Variants in NAA25 observed in about 807,000 individuals in gnomAD.
The protein encoded by NAA25 is N-alpha-acetyltransferase 25, NatB auxiliary subunit, also known as N-terminal acetyltransferase B complex subunit NAA25.
Under a neutral mutation model 132.5 loss-of-function variants are expected in NAA25, and 30 were observed. The observed-to-expected ratio is 0.23, with a 90% CI of 0.17 to 0.31. NAA25 has a LOEUF of 0.31. Ranked by LOEUF, NAA25 falls within the 10% of genes least tolerant of loss-of-function variation. The pLI is 1.00. For missense variants in NAA25, 771 were observed against 1,150.4 expected (o/e 0.67, Z 4.77); for synonymous variants, 359 against 401.9 (o/e 0.89, Z 1.28).
intron 10 of NAA25, 63 bp from the exon 11 acceptor site, chr12:112,069,055 A>G: frequency 2.1e-6 from 2 of 954,616 alleles, no homozygotes; most frequent in South Asian, 3.0e-5. Flanking sequence ...TATTTAAGTG[A>G]GAATTAATTT....
intron 20 of NAA25, among the ~76,000 whole-genome samples, chr12:112,041,304 CA>C (rs1487804531): frequency 2.0e-5 from 3 of 151,964 alleles, no homozygotes; most frequent in Non-Finnish European, 4.4e-5. Flanking sequence ...TCTCCTGCCT[CA>C]GCCTCCCGAG....
intron 15 of NAA25, among the ~76,000 whole-genome samples, chr12:112,052,450 C>T (rs1380944952): frequency 6.6e-6 from 1 of 152,182 alleles, no homozygotes; most frequent in Non-Finnish European, 1.5e-5. Context: ...GGACTAAGAA[C>T]CAACTAATGG....
chr12:112,043,034 C>A, intron 19 of NAA25, 54 bp downstream of exon 19: 1 of 1,487,726 alleles, frequency 6.7e-7, no homozygotes, highest in African/African-American at 1.4e-5. Flanking sequence ...CATTTTATTA[C>A]GTGTACTACA....
chr12:112,068,249 A>G (rs777105071), intron 11 of NAA25, among the ~76,000 whole-genome samples: 7 of 152,176 alleles, frequency 4.6e-5, no homozygotes, highest in Non-Finnish European at 1.0e-4. Flanking sequence ...GATGGAAAAC[A>G]TAATAGCTGC....
At chr12:112,108,645 T>G in intron 1 of NAA25, 71 bp downstream of exon 1, 2 of 1,353,680 alleles carry the variant, frequency 1.5e-6, no homozygotes, top group Non-Finnish European at 1.9e-6. Context: ...GCACCCCTCC[T>G]GGGCTTTCGC....
At chr12:112,061,458 G>C in intron 11 of NAA25, 70 bp from the exon 12 acceptor site, 2 of 1,077,430 alleles carry the variant, frequency 1.9e-6, no homozygotes, top group Non-Finnish European at 2.8e-6. Flanking sequence ...ATAATTAACA[G>C]AAATTGAATG....
chr12:112,049,409 C>G lies in NAA25; in HGVS notation c.1729-966G>C. 5.2e-6 allele frequency: 5 copies of G among 966,242 alleles called. No homozygotes were observed. The highest frequency in any genetic ancestry group is 6.2e-6 in the Non-Finnish European group (5 of 812,154). The allele number at this position is 966,242 out of a possible 1,614,324, so 59.9% of individuals were successfully genotyped here. A position where few individuals can be genotyped will look rare whatever the true frequency, so the allele number is the denominator to read the frequency against. On this transcript the variant is annotated intron_variant, in intron 15 of 23. Coordinates refer to ENST00000261745, the MANE Select transcript of NAA25 (RefSeq NM_024953.4). This position sits in a 1 kb window ranked among gnomAD's most constrained non-coding sequence, Gnocchi z 4.7. Reference sequence around the variant, plus strand: ...GTCTTTTTACACAGCCTCAGTTAATCAGCTCTGCCCCCATCTCCATTACGT... The same window carrying G: ...GTCTTTTTACACAGCCTCAGTTAATGAGCTCTGCCCCCATCTCCATTACGT...
intron 5 of NAA25, among the ~76,000 whole-genome samples, chr12:112,079,819 T>A (rs2078944460): frequency 6.6e-6 from 1 of 152,096 alleles, no homozygotes; most frequent in Admixed American, 6.6e-5. Flanking sequence ...GCCACCCAGT[T>A]CAATGAGCCA....
rs78150089 is a variant in NAA25, at chr12:112,053,900, A to G, written c.1629-243T>C. On this transcript the variant is annotated intron_variant, in intron 14 of 23. Transcript: ENST00000261745. ...AAGTTCTGTAACTAGGCTTTCTTAC[A>G]CTCTGATGATTAATGACACATAAAA... Among the ~76,000 whole-genome samples, 881 of 151,914 alleles carry G rather than the reference A, an allele frequency of 5.8e-3. 11 individuals carry two copies. Among genetic ancestry groups the G allele is most frequent in the African/African-American group, 0.02 (829 of 41,414 alleles).
intron 17 of NAA25, among the ~76,000 whole-genome samples, chr12:112,046,310 T>TC (rs2078380566): frequency 6.6e-6 from 1 of 152,220 alleles, no homozygotes; most frequent in Non-Finnish European, 1.5e-5. Context: ...ACTCAGTGTT[T>TC]CCCCTCAGAG....
chr12:112,108,760 C>A lies in NAA25; in HGVS notation c.14G>T (p.Gly5Val), dbSNP rs749731093. 2.0e-6 allele frequency: 3 copies of A among 1,524,778 alleles called. No individual in the cohort carries two copies. Among genetic ancestry groups the A allele is most frequent in the Non-Finnish European group, 2.6e-6 (3 of 1,132,946 alleles). 94.5% of individuals were successfully genotyped at this position (1,524,778 alleles called of 1,614,324 possible). A position where few individuals can be genotyped will look rare whatever the true frequency, so the allele number is the denominator to read the frequency against. The change falls in exon 1 of 24, where the codon GGC becomes GTC. Residue 5 changes from glycine (G) to valine (V), a missense_variant. Around this residue, in one of 3 missense-constraint regions of NAA25, gnomAD observed 30 missense variants for 16.6 expected, o/e 1.81. Coordinates refer to ENST00000261745, the MANE Select transcript of NAA25 (RefSeq NM_024953.4). MATR[G>V]HVQDPNDRRL... ...CCTGTCGTTAGGGTCCTGCACATGG[C>A]CCCGCGTCGCCATGATGACAAGCGC...
intron 1 of NAA25, among the ~76,000 whole-genome samples, chr12:112,097,630 T>C (rs1301493294): frequency 6.7e-6 from 1 of 149,366 alleles, no homozygotes; most frequent in African/African-American, 2.5e-5. Context: ...AAAAAAGAGT[T>C]GTCTCTTGAC....
intron 4 of NAA25, among the ~76,000 whole-genome samples, chr12:112,086,073 T>TATATATATACACACACACACAC (rs759148501): frequency 1.9e-5 from 1 of 53,958 alleles, no homozygotes; most frequent in African/African-American, 1.2e-4. Flanking sequence ...TATATATATA[T>TATATATATACACACACACACAC]ACACACACAC....
chr12:112,083,870 A>T (rs2079007451), intron 4 of NAA25, among the ~76,000 whole-genome samples: 1 of 152,240 alleles, frequency 6.6e-6, no homozygotes, highest in Admixed American at 6.5e-5. Flanking sequence ...TCCCAACTCT[A>T]CAAAAAATGA....
intron 4 of NAA25, among the ~76,000 whole-genome samples, chr12:112,082,357 C>T (rs1354355938): frequency 6.6e-6 from 1 of 151,922 alleles, no homozygotes. Context: ...TCATTTGAGC[C>T]CAAGGAGATT....
chr12:112,103,950 C>T (rs2079328042), intron 1 of NAA25, among the ~76,000 whole-genome samples: 1 of 152,194 alleles, frequency 6.6e-6, no homozygotes, highest in South Asian at 2.1e-4. Flanking sequence ...ATGCTCTCCC[C>T]CACAACACCC....
chr12:112,071,684 C>T (rs1036604722), intron 10 of NAA25, among the ~76,000 whole-genome samples: 4 of 152,074 alleles, frequency 2.6e-5, no homozygotes, highest in East Asian at 1.9e-4. Flanking sequence ...AAGACTCTGA[C>T]GGAACAGGGA....
At chr12:112,097,692 T>C (rs1372830579) in intron 1 of NAA25, among the ~76,000 whole-genome samples, 2 of 152,024 alleles carry the variant, frequency 1.3e-5, no homozygotes, top group Non-Finnish European at 2.9e-5. Context: ...ATTACCTTTA[T>C]TGGAAAATCT....
At chr12:112,097,704 G>C (rs953692151) in intron 1 of NAA25, among the ~76,000 whole-genome samples, 3 of 151,698 alleles carry the variant, frequency 2.0e-5, no homozygotes, top group Admixed American at 2.0e-4. Flanking sequence ...GGAAAATCTA[G>C]AGAAATTAAG....
Sources: allele counts gnomAD v4.1 joint callset (sites outside exome capture counted in the v4.1 genomes callset), GRCh38; gene constraint gnomAD v4.1.1; regional missense constraint gnomAD v4.1.1; non-coding constraint Gnocchi (gnomAD v3.1); transcripts MANE v1.5; gene names NCBI Gene and HGNC (gene_info 2026-07-23, HGNC 2026-07-21).